SIAE: variants seen among roughly 807,000 people sequenced by gnomAD.
SIAE encodes the protein sialic acid acetylesterase.
SIAE carries 39 observed loss-of-function variants against 52.6 expected under a neutral mutation model. The ratio of observed to expected loss-of-function variants is 0.74; its 90% CI spans 0.57 to 0.97. The LOEUF is 0.97. Ranked by LOEUF, SIAE falls within the 50% of genes least tolerant of loss-of-function variation. SIAE has a pLI of 0.00. For missense variants in SIAE, 592 were observed against 662.1 expected, an observed-to-expected ratio of 0.89 and a Z score of 1.16; for synonymous variants, 233 against 241.4, an observed-to-expected ratio of 0.97 and a Z score of 0.32.
upstream of SIAE, chr11:124,675,518 T>G: frequency 1.5e-6 from 2 of 1,319,022 alleles, no homozygotes; most frequent in East Asian, 4.8e-5. Flanking sequence ...GAAAGCCTTT[T>G]ATGAGGCAGG....
chr11:124,649,344 G>A (rs1433571136), intron 5 of SIAE, among the ~76,000 whole-genome samples: 1 of 151,060 alleles, frequency 6.6e-6, no homozygotes, highest in Non-Finnish European at 1.5e-5. Context: ...TATATATAAA[G>A]TGCTTAGCAC....
At chr11:124,647,540 G>C (rs754575559) in intron 6 of SIAE, 42 bp from the exon 7 acceptor site, 13 of 1,611,258 alleles carry the variant, frequency 8.1e-6, no homozygotes, top group Non-Finnish European at 1.0e-5. Flanking sequence ...GGAGTAGACT[G>C]CAAAAATGAC....
chr11:124,673,684 C>A lies in SIAE; in HGVS notation c.25G>T (p.Gly9Trp). 1 of 1,613,632 alleles carries A rather than the reference C, an allele frequency of 6.2e-7. No homozygotes were observed. The highest frequency in any genetic ancestry group is 8.5e-7 in the Non-Finnish European group (1 of 1,179,822). ...CACAGGATTAATGGCAGCACCAGCC[C>A]GAGTACAAGCCCCGGCGCGACCATG... is the stretch of plus-strand genomic sequence containing the variant. MVAPGLVL[G>W]LVLPLILWAD... Residue 9 changes from glycine (G) to tryptophan (W), a missense_variant, in exon 1 of 10, where the codon GGG becomes TGG. Physicochemically the swap from Gly to Trp is radical, Grantham distance 184. Coordinates refer to ENST00000263593, the MANE Select transcript of SIAE (RefSeq NM_170601.5).
intron 3 of SIAE, among the ~76,000 whole-genome samples, chr11:124,655,929 G>A (rs868462809): frequency 1.3e-5 from 2 of 152,034 alleles, no homozygotes; most frequent in African/African-American, 2.4e-5. Context: ...AAAATTTTTG[G>A]TGTGCCAACA....
Position 124,649,795 on chromosome 11 carries a change from T to C in SIAE, c.546A>G (p.Glu182=). Residue 182 remains glutamate, a splice_region_variant and synonymous_variant, in exon 5 of 10, where the codon GAA becomes GAG. Coordinates refer to ENST00000263593, the MANE Select transcript of SIAE (RefSeq NM_170601.5). ...VDLQWSKPTS[E]NLGHGYFKYM... is the part of the protein sequence containing the mutation. ...ACTTGAAATATCCATGGCCTAAGTTTTCTGTTCAGAGAAATGGTTAAAGAA... is the reference window on the plus strand; with the variant it reads ...ACTTGAAATATCCATGGCCTAAGTTCTCTGTTCAGAGAAATGGTTAAAGAA... 6.2e-7 allele frequency: 1 copy of C among 1,614,116 alleles called. No homozygotes were observed. Among genetic ancestry groups the C allele is most frequent in the Non-Finnish European group, 8.5e-7 (1 of 1,180,002 alleles).
Position 124,633,868 on chromosome 11 carries a change from C to G in SIAE, c.*3083G>C, listed in dbSNP as rs1942663537. The G allele has an allele frequency of 6.6e-6, 1 of 152,092 alleles. No individual in the cohort carries two copies. Among genetic ancestry groups the G allele is most frequent in the Non-Finnish European group, 1.5e-5 (1 of 68,032 alleles). The allele number at this position is 152,092 out of a possible 1,614,324, so 9.4% of individuals were successfully genotyped here. On this transcript the variant is annotated 3_prime_UTR_variant, in exon 10 of 10. Coordinates refer to ENST00000263593, the MANE Select transcript of SIAE (RefSeq NM_170601.5). ...CCCACTATTACAGCCTGAGTAATAC[C>G]CGTATTAAAAGAGCCTCATTTTAGA...
chr11:124,642,182 C>A (rs1280312134), intron 7 of SIAE, among the ~76,000 whole-genome samples: 2 of 152,106 alleles, frequency 1.3e-5, no homozygotes, highest in Admixed American at 1.3e-4. Context: ...TCGGAAGCCA[C>A]GGCATCTGAA....
intron 2 of SIAE, among the ~76,000 whole-genome samples, chr11:124,662,555 A>C (rs1195900294): frequency 6.6e-6 from 1 of 152,242 alleles, no homozygotes; most frequent in Non-Finnish European, 1.5e-5. Context: ...TGGCTGGTGA[A>C]GAAAACTACC....
chr11:124,634,959 C>T lies in SIAE; in HGVS notation c.*1992G>A, dbSNP rs948252793. 6.6e-6 allele frequency: 1 copy of T among 152,172 alleles called. No homozygotes were observed. Among genetic ancestry groups the T allele is most frequent in the African/African-American group, 2.4e-5 (1 of 41,444 alleles). 9.4% of individuals were successfully genotyped at this position (152,172 alleles called of 1,614,324 possible). A position where few individuals can be genotyped will look rare whatever the true frequency, so the allele number is the denominator to read the frequency against. On this transcript the variant is annotated 3_prime_UTR_variant, in exon 10 of 10. Transcript: ENST00000263593. ...TCATTTTAAAACTAAAAAGTTCTTA[C>T]ATTTGGGGAAATGCAGTGAATTCCC...
intron 2 of SIAE, among the ~76,000 whole-genome samples, chr11:124,661,056 A>G (rs1351869002): frequency 6.6e-6 from 1 of 152,190 alleles, no homozygotes; most frequent in African/African-American, 2.4e-5. Context: ...TATAATCCTA[A>G]ATGAGGATAG....
intron 5 of SIAE, 33 bp from the exon 6 acceptor site, chr11:124,648,208 G>C: frequency 6.5e-7 from 1 of 1,545,776 alleles, no homozygotes; most frequent in Non-Finnish European, 8.9e-7. Context: ...TGTCACCAGA[G>C]AGCCAGTGAT....
chr11:124,660,361 GC>G (rs1943168435), intron 3 of SIAE: 2 of 452,630 alleles, frequency 4.4e-6, no homozygotes, highest in Non-Finnish European at 8.2e-6. Context: ...TGGAGAAAGT[GC>G]TAGAGAAAAC....
upstream of SIAE, chr11:124,673,990 C>A: frequency 2.0e-6 from 1 of 505,958 alleles, no homozygotes; most frequent in Admixed American, 3.3e-5. Flanking sequence ...GATACCAAGA[C>A]CTAGCCTTTT....
chr11:124,649,755 A>G lies in SIAE; in HGVS notation c.586T>C (p.Cys196Arg). 6.2e-7 allele frequency: 1 copy of G among 1,614,216 alleles called. No homozygotes were observed. Reference sequence around the variant, plus strand: ...TAAAGGTGACGTCCAAAGAGCCAGCACACTGCTGACATGTACTTGAAATAT... The same window carrying G: ...TAAAGGTGACGTCCAAAGAGCCAGCGCACTGCTGACATGTACTTGAAATAT... ...HGYFKYMSAV[C>R]WLFGRHLYDT... Residue 196 changes from cysteine (C) to arginine (R), a missense_variant, in exon 5 of 10, where the codon TGC (cysteine) becomes CGC (arginine). By Grantham distance (180) the Cys-to-Arg change is radical. Coordinates refer to ENST00000263593, the MANE Select transcript of SIAE (RefSeq NM_170601.5).
intron 4 of SIAE, among the ~76,000 whole-genome samples, chr11:124,652,586 C>A (rs527351083): frequency 6.7e-6 from 1 of 150,272 alleles, no homozygotes; most frequent in East Asian, 2.0e-4. Context: ...CCCAGCTACT[C>A]GGGAGGCTGA....
At chr11:124,654,821 A>T in intron 3 of SIAE, 28 bp from the exon 4 acceptor site, 1 of 1,612,230 alleles carries the variant, frequency 6.2e-7, no homozygotes, top group Non-Finnish European at 8.5e-7. Flanking sequence ...ACGTCATTTA[A>T]CCTAGCAGGT....
upstream of SIAE, chr11:124,675,243 A>G (rs778447302): frequency 2.5e-6 from 4 of 1,607,542 alleles, no homozygotes; most frequent in South Asian, 2.2e-5. Context: ...TTTAGGTTCC[A>G]TAGGCAGTTC....
chr11:124,649,862 T>G, intron 4 of SIAE, 66 bp from the exon 5 acceptor site: 3 of 1,543,662 alleles, frequency 1.9e-6, no homozygotes, highest in Non-Finnish European at 2.7e-6. Flanking sequence ...CTGCAGCTGC[T>G]AGGTGGGTCG....
At chr11:124,658,626 C>A (rs947024556) in intron 3 of SIAE, among the ~76,000 whole-genome samples, 23 of 152,298 alleles carry the variant, frequency 1.5e-4, no homozygotes, top group African/African-American at 5.5e-4. Flanking sequence ...TCTCACTCAG[C>A]GTTATAAATA....
Sources: gnomAD v4.1 joint callset for allele counts (sites outside exome capture counted in the v4.1 genomes callset) on GRCh38, gnomAD v4.1.1 for gene constraint, MANE v1.5 for transcripts, NCBI Gene and HGNC (gene_info 2026-07-23, HGNC 2026-07-21) for gene names.